DPP10: variants seen among roughly 807,000 people sequenced by gnomAD.
DPP10 encodes the protein dipeptidyl peptidase like 10.
A neutral mutation model predicts 120.9 loss-of-function variants in DPP10; 33 were observed. The observed-to-expected ratio is 0.27, with a 90% CI of 0.21 to 0.37. The LOEUF is 0.37. DPP10 is among the 10% of genes least tolerant of loss of function. The probability of loss-of-function intolerance (pLI) is 1.00; values close to 1 mark genes in which losing one functional copy is unlikely to be tolerated. For missense variants in DPP10, 816 were observed against 942.8 expected (o/e 0.87, Z 1.76); for synonymous variants, 337 against 326.1 (o/e 1.03, Z -0.36).
At chr2:115,455,781 T>C (rs1048519399) in intron 3 of DPP10, among the ~76,000 whole-genome samples, 1 of 152,174 alleles carries the variant, frequency 6.6e-6, no homozygotes, top group African/African-American at 2.4e-5. Context: ...AAGCTGAAAG[T>C]GGATCACTTC....
chr2:114,823,069 C>G (rs1432811723), intron 1 of DPP10, among the ~76,000 whole-genome samples: 1 of 152,178 alleles, frequency 6.6e-6, no homozygotes, highest in Non-Finnish European at 1.5e-5. Context: ...TTTACAGCAG[C>G]ACCCTACTCT....
At chr2:115,630,549 A>C (rs1391323603) in intron 5 of DPP10, among the ~76,000 whole-genome samples, 1 of 152,150 alleles carries the variant, frequency 6.6e-6, no homozygotes, top group African/African-American at 2.4e-5. Flanking sequence ...GGTTTGTAAT[A>C]AATGGCTCTT....
At chr2:114,826,944 C>A (rs1004467581) in intron 1 of DPP10, among the ~76,000 whole-genome samples, 1 of 152,128 alleles carries the variant, frequency 6.6e-6, no homozygotes, top group African/African-American at 2.4e-5. Flanking sequence ...TTCGCAAGGC[C>A]AGATTCTTCT....
chr2:114,719,711 T>C (rs1314886897), intron 1 of DPP10, among the ~76,000 whole-genome samples: 1 of 152,108 alleles, frequency 6.6e-6, no homozygotes, highest in African/African-American at 2.4e-5. Context: ...AGAAAAGACA[T>C]ATAAGTTTGA....
At chr2:114,992,526 G>A (rs1271674314) in intron 1 of DPP10, among the ~76,000 whole-genome samples, 8 of 152,042 alleles carry the variant, frequency 5.3e-5, no homozygotes, top group African/African-American at 1.9e-4. Context: ...GTCCTTTTTG[G>A]GGTTATGTTA....
intron 1 of DPP10, among the ~76,000 whole-genome samples, chr2:114,760,356 C>T (rs1407945981): frequency 6.6e-6 from 1 of 152,288 alleles, no homozygotes; most frequent in African/African-American, 2.4e-5. Flanking sequence ...AATCCAAAGG[C>T]TGGCTCCTCA....
At chr2:114,499,573 C>CT (rs111641069) in intron 1 of DPP10, among the ~76,000 whole-genome samples, 8,245 of 145,880 alleles carry the variant, frequency 0.057, 643 homozygotes, top group African/African-American at 0.18. Context: ...TTTGCAAAGG[C>CT]TTTTTTTTTT....
chr2:114,995,347 C>T (rs1701012321), intron 1 of DPP10, among the ~76,000 whole-genome samples: 1 of 152,138 alleles, frequency 6.6e-6, no homozygotes, highest in Admixed American at 6.5e-5. Flanking sequence ...GTCTCTTTCC[C>T]CCATTCCTAG....
intron 2 of DPP10, among the ~76,000 whole-genome samples, chr2:115,324,480 A>C (rs922371826): frequency 6.6e-6 from 1 of 152,110 alleles, no homozygotes. Context: ...AAACCTCATG[A>C]ACCAATCTCT....
intron 4 of DPP10, among the ~76,000 whole-genome samples, chr2:115,514,296 A>G (rs148058196): frequency 6.6e-5 from 10 of 151,846 alleles, no homozygotes; most frequent in Non-Finnish European, 8.9e-5. Context: ...CTTCTTAAGT[A>G]TATATATTAT....
chr2:115,310,196 TC>T (rs2061522333), intron 2 of DPP10, among the ~76,000 whole-genome samples: 1 of 152,144 alleles, frequency 6.6e-6, no homozygotes, highest in African/African-American at 2.4e-5. Context: ...ATTGAATGAA[TC>T]CAAAAATCAA....
At chr2:114,668,688 A>G (rs943410784) in intron 1 of DPP10, among the ~76,000 whole-genome samples, 5 of 152,146 alleles carry the variant, frequency 3.3e-5, no homozygotes, top group African/African-American at 1.2e-4. Context: ...AACTGTTGAT[A>G]TGGGCAGAAC....
At chr2:114,458,205 T>G (rs1016054783) in intron 1 of DPP10, among the ~76,000 whole-genome samples, 4 of 152,204 alleles carry the variant, frequency 2.6e-5, no homozygotes, top group African/African-American at 7.2e-5. Context: ...GGCAAAGCCT[T>G]AACAAATAGT....
rs532759513 is a variant in DPP10, at chr2:115,266,212, A to G, written c.61-43027A>G. Reference sequence around the variant, plus strand: ...GAGATAAACATGAAACGAAGGATTGATTATGTATTATATCTGAACATGAAT... The same window carrying G: ...GAGATAAACATGAAACGAAGGATTGGTTATGTATTATATCTGAACATGAAT... On this transcript the variant is annotated intron_variant, in intron 1 of 25. Coordinates refer to ENST00000410059, the MANE Select transcript of DPP10 (RefSeq NM_020868.6). Among the ~76,000 whole-genome samples the G allele has an allele frequency of 3.3e-5, 5 of 152,294 alleles. No homozygotes were observed. In the East Asian group the frequency reaches 9.7e-4, roughly 29 times the overall value.
At chr2:115,457,673 C>CAATACCA (rs3039969) in intron 3 of DPP10, among the ~76,000 whole-genome samples, 125,297 of 151,492 alleles carry the variant, frequency 0.83, 54,868 homozygotes, top group Non-Finnish European at 0.97. Flanking sequence ...ATCAAAACGG[C>CAATACCA]AACATTGGCA....
chr2:115,236,583 A>G (rs1415335736), intron 1 of DPP10, among the ~76,000 whole-genome samples: 2 of 152,228 alleles, frequency 1.3e-5, no homozygotes, highest in African/African-American at 2.4e-5. Context: ...AGGGCTGGGC[A>G]GCAGAAGCTT....
At chr2:114,986,315 T>C (rs1471383977) in intron 1 of DPP10, among the ~76,000 whole-genome samples, 1 of 152,196 alleles carries the variant, frequency 6.6e-6, no homozygotes, top group Non-Finnish European at 1.5e-5. Flanking sequence ...TAAGTGCAGG[T>C]TTCCTTTTCA....
intron 1 of DPP10, among the ~76,000 whole-genome samples, chr2:114,580,539 CT>C (rs1690414121): frequency 6.6e-6 from 1 of 152,138 alleles, no homozygotes; most frequent in Non-Finnish European, 1.5e-5. Flanking sequence ...GGAATAATGC[CT>C]GTCTTTAAAG....
chr2:114,543,955 C>T (rs551588469), intron 1 of DPP10, among the ~76,000 whole-genome samples: 1 of 151,120 alleles, frequency 6.6e-6, no homozygotes, highest in Admixed American at 6.6e-5. Flanking sequence ...ATTCATTTTT[C>T]TAATTCAACA....
Sources: allele counts gnomAD v4.1 joint callset (sites outside exome capture counted in the v4.1 genomes callset), GRCh38; gene constraint gnomAD v4.1.1; transcripts MANE v1.5; gene names NCBI Gene and HGNC (gene_info 2026-07-23, HGNC 2026-07-21).